ADAMTS18: variants seen among roughly 807,000 people sequenced by gnomAD.
ADAMTS18 encodes the protein ADAM metallopeptidase with thrombospondin type 1 motif 18.
ADAMTS18 carries 157 observed loss-of-function variants against 165.9 expected under a neutral mutation model. That is an observed-to-expected ratio of 0.95 (90% CI 0.83 to 1.08). The LOEUF is 1.08. ADAMTS18 is among the 50% of genes least tolerant of loss of function. ADAMTS18 has a pLI of 0.00. For missense variants in ADAMTS18, 2,040 were observed against 1,534.0 expected (o/e 1.33, Z -5.51); for synonymous variants, 782 against 578.2 (o/e 1.35, Z -5.06).
intron 11 of ADAMTS18, among the ~76,000 whole-genome samples, chr16:77,341,230 C>T (rs140537919): frequency 3.9e-5 from 6 of 152,274 alleles, no homozygotes; most frequent in African/African-American, 1.4e-4. Flanking sequence ...GGAGGCGTCT[C>T]TTACCCTTCA....
intron 16 of ADAMTS18, among the ~76,000 whole-genome samples, chr16:77,315,283 G>C (rs991685339): frequency 1.1e-4 from 17 of 152,148 alleles, no homozygotes; most frequent in African/African-American, 3.9e-4. Context: ...GGGTTTCTCT[G>C]ATTGCCTCCA....
chr16:77,330,754 C>G (rs80154755), intron 12 of ADAMTS18, among the ~76,000 whole-genome samples: 1 of 152,122 alleles, frequency 6.6e-6, no homozygotes, highest in African/African-American at 2.4e-5. Flanking sequence ...TATGAATCAG[C>G]CAAGAATCAT....
At chr16:77,343,377 T>C (rs553754981) in intron 10 of ADAMTS18, among the ~76,000 whole-genome samples, 1 of 152,344 alleles carries the variant, frequency 6.6e-6, no homozygotes, top group South Asian at 2.1e-4. Context: ...CCTGGCCTGA[T>C]TTTAGCCCTT....
At position 77,283,915 on chromosome 16, in the gene ADAMTS18, G is replaced by T. The variant is rs567446984; in HGVS notation, c.*41C>A. ...CAGCTGGTCTCTCTAGAGGTTGAAAGGTAAGCCCCTGGCCCTAAGGTGCTG... is the reference window on the plus strand; with the variant it reads ...CAGCTGGTCTCTCTAGAGGTTGAAATGTAAGCCCCTGGCCCTAAGGTGCTG... On this transcript the variant is annotated 3_prime_UTR_variant, in exon 23 of 23. Transcript: ENST00000282849. The T allele has an allele frequency of 6.7e-7, 1 of 1,494,380 alleles. No individual in the cohort carries two copies. Among genetic ancestry groups the T allele is most frequent in the South Asian group, 1.1e-5 (1 of 88,522 alleles). The allele number at this position is 1,494,380 out of a possible 1,614,324, so 92.6% of individuals were successfully genotyped here. A position where few individuals can be genotyped will look rare whatever the true frequency, so the allele number is the denominator to read the frequency against.
At chr16:77,428,022 T>C (rs565959700) in intron 3 of ADAMTS18, among the ~76,000 whole-genome samples, 1 of 152,198 alleles carries the variant, frequency 6.6e-6, no homozygotes, top group East Asian at 1.9e-4. Context: ...TATTAGTACT[T>C]TGTCAAATCA....
Position 77,293,166 on chromosome 16 carries a change from A to T in ADAMTS18, c.3099T>A (p.Ser1033Arg), listed in dbSNP as rs377705872. ...CCTCCTGCAGCTCAGGTCTGGGGAG[A>T]CTGGTACACTGGCTCTCGGGGAGGG... is the stretch of plus-strand genomic sequence containing the variant. ...AETLPESQCT[S>R]LPRPELQEGC... Residue 1033 changes from serine (S) to arginine (R), a missense_variant, in exon 20 of 23, where the codon AGT becomes AGA. By Grantham distance (110) the Ser-to-Arg change is moderately radical. Coordinates refer to ENST00000282849, the MANE Select transcript of ADAMTS18 (RefSeq NM_199355.4). The T allele has an allele frequency of 2.5e-6, 4 of 1,613,658 alleles. No homozygotes were observed. The African/African-American group carries it at 4.0e-5, about 16-fold the overall frequency.
At chr16:77,373,286 A>T (rs2056902142) in intron 3 of ADAMTS18, among the ~76,000 whole-genome samples, 1 of 152,004 alleles carries the variant, frequency 6.6e-6, no homozygotes, top group South Asian at 2.1e-4. Context: ...CATCCTGGCT[A>T]ACACAGTGAA....
chr16:77,358,179 ATG>A (rs137864349), intron 8 of ADAMTS18, among the ~76,000 whole-genome samples: 3 of 151,696 alleles, frequency 2.0e-5, no homozygotes, highest in Admixed American at 6.6e-5. Flanking sequence ...GTGTGTCTAA[ATG>A]TGTGTGTGTG....
chr16:77,419,725 C>T (rs1196239846), intron 3 of ADAMTS18, among the ~76,000 whole-genome samples: 3 of 152,044 alleles, frequency 2.0e-5, no homozygotes, highest in East Asian at 1.9e-4. Flanking sequence ...AAGCTGACCT[C>T]GCCAGGTGCG....
At chr16:77,411,091 A>G (rs550705353) in intron 3 of ADAMTS18, among the ~76,000 whole-genome samples, 1 of 152,316 alleles carries the variant, frequency 6.6e-6, no homozygotes, top group Non-Finnish European at 1.5e-5. Flanking sequence ...AGTGGAACAG[A>G]GTAGTATGGC....
At chr16:77,304,606 T>TA (rs1381412034) in intron 16 of ADAMTS18, among the ~76,000 whole-genome samples, 3 of 152,300 alleles carry the variant, frequency 2.0e-5, no homozygotes, top group African/African-American at 7.2e-5. Context: ...ATCCTTGAAC[T>TA]AAAGGTAAGA....
At chr16:77,343,377 T>G (rs553754981) in intron 10 of ADAMTS18, among the ~76,000 whole-genome samples, 4 of 152,226 alleles carry the variant, frequency 2.6e-5, no homozygotes, top group Non-Finnish European at 5.9e-5. Context: ...CCTGGCCTGA[T>G]TTTAGCCCTT....
chr16:77,407,990 C>T (rs1373796016), intron 3 of ADAMTS18, among the ~76,000 whole-genome samples: 1 of 151,792 alleles, frequency 6.6e-6, no homozygotes, highest in Admixed American at 6.6e-5. Context: ...CCAGGATGTA[C>T]AAGAAAATAC....
chr16:77,295,593 G>A (rs1333402459), intron 18 of ADAMTS18, among the ~76,000 whole-genome samples: 1 of 152,154 alleles, frequency 6.6e-6, no homozygotes, highest in Non-Finnish European at 1.5e-5. Context: ...ATACAATGAG[G>A]AGGCTCATGG....
chr16:77,398,407 T>C (rs1471586273), intron 3 of ADAMTS18, among the ~76,000 whole-genome samples: 1 of 151,894 alleles, frequency 6.6e-6, no homozygotes, highest in Non-Finnish European at 1.5e-5. Context: ...CAGGGAGTGG[T>C]ATAACAATCA....
In ADAMTS18 at chr16:77,328,771, A is replaced by G. The variant is rs573503269; in HGVS notation, c.1860-2733T>C. ...GGCTCTATGTAGTTAATGAAGTGAA[A>G]GAGGACTGCAAGGTGTTACTTTATC... is the stretch of plus-strand genomic sequence containing the variant. On this transcript the variant is annotated intron_variant, in intron 12 of 22. Coordinates refer to ENST00000282849, the MANE Select transcript of ADAMTS18 (RefSeq NM_199355.4). Among the ~76,000 whole-genome samples the G allele has an allele frequency of 1.0e-3, 154 of 152,356 alleles. 1 individual carries two copies. The highest frequency in any genetic ancestry group is 3.6e-3 in the African/African-American group (150 of 41,586).
chr16:77,321,288 A>G (rs1406108457), intron 14 of ADAMTS18, 86 bp from the exon 15 acceptor site: 5 of 1,552,932 alleles, frequency 3.2e-6, no homozygotes, highest in Middle Eastern at 2.1e-4. Context: ...GGTTCTCTGT[A>G]TTTACAGAAC....
At chr16:77,340,761 T>C (rs2056386041) in intron 11 of ADAMTS18, among the ~76,000 whole-genome samples, 1 of 151,956 alleles carries the variant, frequency 6.6e-6, no homozygotes, top group African/African-American at 2.4e-5. Flanking sequence ...TTTGTAGAGA[T>C]AGGGTCTCGC....
In ADAMTS18 at chr16:77,334,257, AAT is replaced by A. The variant is rs375709316; in HGVS notation, c.1859+1497_1859+1498del. 2.9e-4 allele frequency among the ~76,000 whole-genome samples: 13 copies of A among 44,326 alleles called. 3 individuals carry two copies. The highest frequency in any genetic ancestry group is 6.6e-4 in the Non-Finnish European group (12 of 18,240). 29.1% of individuals were successfully genotyped at this position (44,326 alleles called of 152,430 possible). ...ATATATAGTGTTATATATTACATAT[AAT>A]ATATAGTGTTATATATTATATATAA... On this transcript the variant is annotated intron_variant, in intron 12 of 22. Transcript: ENST00000282849.
Sources: allele counts gnomAD v4.1 joint callset (sites outside exome capture counted in the v4.1 genomes callset), GRCh38; gene constraint gnomAD v4.1.1; transcripts MANE v1.5; gene names NCBI Gene and HGNC (gene_info 2026-07-23, HGNC 2026-07-21).